IL2RB: variants seen among roughly 807,000 people sequenced by gnomAD.
The protein encoded by IL2RB is interleukin 2 receptor subunit beta, also known as interleukin-2 receptor subunit beta.
A neutral mutation model predicts 44.2 loss-of-function variants in IL2RB; 17 were observed. The ratio of observed to expected loss-of-function variants is 0.38; its 90% CI spans 0.26 to 0.58. The LOEUF is 0.58. Ranked by LOEUF, IL2RB falls within the 20% of genes least tolerant of loss-of-function variation. IL2RB has a pLI of 0.63. For synonymous variants in IL2RB, 286 were observed against 297.9 expected (o/e 0.96, Z 0.41); for missense variants, 624 against 685.5 (o/e 0.91, Z 1.00).
chr22:37,173,723 T>C (rs2145745885), intron 1 of IL2RB, among the ~76,000 whole-genome samples: 1 of 152,174 alleles, frequency 6.6e-6, no homozygotes, highest in East Asian at 1.9e-4. Flanking sequence ...TCCAGCAGCC[T>C]CAGCATTAAC....
At chr22:37,174,624 A>C (rs1350878619) in intron 1 of IL2RB, among the ~76,000 whole-genome samples, 1 of 152,146 alleles carries the variant, frequency 6.6e-6, no homozygotes, top group Non-Finnish European at 1.5e-5. Flanking sequence ...CCACTTCTCT[A>C]ACCCATTCAT....
chr22:37,135,348 G>A lies in IL2RB; in HGVS notation c.798C>T (p.Asn266=), dbSNP rs763018682. 1 of 1,613,702 alleles carries A rather than the reference G, an allele frequency of 6.2e-7. No homozygotes were observed. Among genetic ancestry groups the A allele is most frequent in the East Asian group, 2.2e-5 (1 of 44,874 alleles). Residue 266 remains asparagine, a synonymous_variant, in exon 8 of 10, where the codon AAC becomes AAT. Coordinates refer to ENST00000216223, the MANE Select transcript of IL2RB (RefSeq NM_000878.5). ...GFIILVYLLI[N]CRNTGPWLKK... is the part of the protein sequence containing the mutation. ...CTTACCATGGCCCGGTGTTCCTGCA[G>A]TTGATCAGCAAGTACACTAAGATGA...
Position 37,128,421 on chromosome 22 carries a change from G to T in IL2RB, c.1331C>A (p.Ala444Asp), listed in dbSNP as rs766261874. 6 of 1,522,354 alleles carry T rather than the reference G, an allele frequency of 3.9e-6. No homozygotes were observed. In the East Asian group the frequency reaches 1.1e-4, roughly 29 times the overall value. The allele number at this position is 1,522,354 out of a possible 1,614,324, so 94.3% of individuals were successfully genotyped here. A position where few individuals can be genotyped will look rare whatever the true frequency, so the allele number is the denominator to read the frequency against. ...TTCACCGGCCCCACTGCCCCCAGGG[G>T]CAGTGCTTGGGGGGCTGGGGCCACC... ...LLGGPSPPST[A>D]PGGSGAGEER... Residue 444 changes from alanine to aspartate, a missense_variant, in exon 10 of 10, where the codon GCC becomes GAC. By Grantham distance (126) the Ala-to-Asp change is moderately radical. Coordinates refer to ENST00000216223, the MANE Select transcript of IL2RB (RefSeq NM_000878.5). This position sits in a 1 kb window ranked among gnomAD's most constrained non-coding sequence, Gnocchi z 4.5.
chr22:37,156,763 G>A (rs1922693599), intron 1 of IL2RB, among the ~76,000 whole-genome samples: 2 of 152,222 alleles, frequency 1.3e-5, no homozygotes, highest in African/African-American at 4.8e-5. Context: ...GGGCAGGGGA[G>A]AGCAGGTTTG....
intron 1 of IL2RB, among the ~76,000 whole-genome samples, chr22:37,157,209 G>C (rs1922710898): frequency 6.6e-6 from 1 of 152,186 alleles, no homozygotes; most frequent in Non-Finnish European, 1.5e-5. Context: ...CCGACTTCCT[G>C]AGGGCTGTCC....
At chr22:37,134,855 T>C (rs1452784049) in intron 8 of IL2RB, among the ~76,000 whole-genome samples, 1 of 152,214 alleles carries the variant, frequency 6.6e-6, no homozygotes, top group African/African-American at 2.4e-5. Context: ...TGCCACTGTG[T>C]TCCCAGCTCT....
intron 1 of IL2RB, among the ~76,000 whole-genome samples, chr22:37,174,033 A>G (rs770887996): frequency 1.3e-4 from 20 of 152,136 alleles, no homozygotes; most frequent in Non-Finnish European, 2.5e-4. Flanking sequence ...CCAACCTGTG[A>G]GTGGGACTCT....
At chr22:37,165,534 G>T (rs1462303327) in intron 1 of IL2RB, among the ~76,000 whole-genome samples, 1 of 152,132 alleles carries the variant, frequency 6.6e-6, no homozygotes, top group Non-Finnish European at 1.5e-5. Flanking sequence ...AGCCCTCAAG[G>T]AGCCCAGAGT....
At chr22:37,154,575 C>CTTTTTTTTTTTTTTT (rs57147928), upstream of IL2RB, among the ~76,000 whole-genome samples, 1 of 141,608 alleles carries the variant, frequency 7.1e-6, no homozygotes, top group Admixed American at 7.1e-5. Flanking sequence ...CTTTTTTTTT[C>CTTTTTTTTTTTTTTT]TTTTTTTTTT....
Position 37,137,567 on chromosome 22 carries a change from G to A in IL2RB, c.537+20C>T, listed in dbSNP as rs200356597. ...AGGAAGGAGGAACCAAGGCAGGTAC[G>A]GACTGGGCCACATTCTCACCTCCCA... On this transcript the variant is annotated intron_variant, in intron 6 of 9. Transcript: ENST00000216223. 103 of 1,613,480 alleles carry A rather than the reference G, an allele frequency of 6.4e-5. 1 individual carries two copies. The East Asian group carries it at 1.1e-3, about 17-fold the overall frequency.
chr22:37,173,687 AC>A (rs1185019993), intron 1 of IL2RB, among the ~76,000 whole-genome samples: 2 of 152,076 alleles, frequency 1.3e-5, no homozygotes, highest in Non-Finnish European at 2.9e-5. Context: ...CCCCTCATTT[AC>A]TCAGATTTGA....
chr22:37,140,892 T>C (rs1252568815), intron 4 of IL2RB, among the ~76,000 whole-genome samples: 3 of 152,124 alleles, frequency 2.0e-5, no homozygotes, highest in Non-Finnish European at 4.4e-5. Flanking sequence ...GCAGAGACCA[T>C]ACCTCTCTGA....
chr22:37,136,419 G>T (rs201450754), intron 6 of IL2RB, 26 bp from the exon 7 acceptor site: 1 of 1,589,650 alleles, frequency 6.3e-7, no homozygotes, highest in Non-Finnish European at 8.5e-7. Context: ...GACTGTCAGC[G>T]CCCACCTCAC....
intron 1 of IL2RB, among the ~76,000 whole-genome samples, chr22:37,168,186 A>G (rs1215329493): frequency 1.3e-5 from 2 of 152,214 alleles, no homozygotes; most frequent in Non-Finnish European, 2.9e-5. Flanking sequence ...AATACATGTG[A>G]TTTGATTCTA....
intron 1 of IL2RB, among the ~76,000 whole-genome samples, chr22:37,158,094 C>A (rs772478421): frequency 1.3e-5 from 2 of 152,164 alleles, no homozygotes; most frequent in Non-Finnish European, 2.9e-5. Context: ...CAATTCCACA[C>A]CTAAAACTCA....
intron 3 of IL2RB, 109 bp downstream of exon 3, chr22:37,143,412 C>T: frequency 1.4e-6 from 1 of 696,822 alleles, no homozygotes; most frequent in Admixed American, 2.6e-5. Context: ...TCTGTGGGTC[C>T]CATTAGTCCA....
chr22:37,169,261 AGAGGGGTT>A (rs1370934131), intron 1 of IL2RB, among the ~76,000 whole-genome samples: 60 of 147,556 alleles, frequency 4.1e-4, no homozygotes, highest in African/African-American at 1.5e-3. Flanking sequence ...TTCTGTTTAC[AGAGGGGTT>A]CTTGCTTACA....
chr22:37,135,268 G>A lies in IL2RB; in HGVS notation c.818+60C>T, dbSNP rs1921627470. ...TGTGTGCGTGTGTGTGCATGTGTGT[G>A]CATGTGTGTGCACGTTGGAGGGGTG... On this transcript the variant is annotated intron_variant, in intron 8 of 9. Transcript: ENST00000216223. 4 of 1,073,380 alleles carry A rather than the reference G, an allele frequency of 3.7e-6. No individual in the cohort carries two copies. The Admixed American group carries it at 5.1e-5, about 14-fold the overall frequency. The allele number at this position is 1,073,380 out of a possible 1,614,324, so 66.5% of individuals were successfully genotyped here.
At chr22:37,160,740 T>C (rs136712) in intron 1 of IL2RB, among the ~76,000 whole-genome samples, 150,952 of 150,952 alleles carry the variant, frequency 1, 75,476 homozygotes, top group Non-Finnish European at 1. Context: ...TTCCCAGCTA[T>C]TCGGGAGGCT....
Sources: gnomAD v4.1 joint callset for allele counts (sites outside exome capture counted in the v4.1 genomes callset) on GRCh38, gnomAD v4.1.1 for gene constraint, Gnocchi (gnomAD v3.1) non-coding constraint, MANE v1.5 for transcripts, NCBI Gene and HGNC (gene_info 2026-07-23, HGNC 2026-07-21) for gene names.